The following ZFAND2B variants were observed in gnomAD, a reference collection of about 807,000 sequenced individuals.
The protein encoded by ZFAND2B is zinc finger AN1-type containing 2B.
In ZFAND2B, 27 loss-of-function variants were observed where a neutral mutation model predicts 38.2. The ratio of observed to expected loss-of-function variants is 0.71; its 90% CI spans 0.52 to 0.97. ZFAND2B has a LOEUF of 0.97. Ranked by LOEUF, ZFAND2B falls within the 50% of genes least tolerant of loss-of-function variation. The pLI is 0.00. For synonymous variants in ZFAND2B, 111 were observed against 119.4 expected (o/e 0.93, Z 0.46); for missense variants, 303 against 331.5 (o/e 0.91, Z 0.67).
rs1321332510 is a variant in ZFAND2B, at chr2:219,207,116, G to A, written c.55+74G>A. ...GAACCGCAGGTTGGGAGGGAAGGGT[G>A]GGCTCCCAGGCTGGCAATGCCGGGG... On this transcript the variant is annotated intron_variant, in intron 1 of 8. Coordinates refer to ENST00000289528, the MANE Select transcript of ZFAND2B (RefSeq NM_138802.3). 2.5e-6 allele frequency: 3 copies of A among 1,222,022 alleles called. No individual in the cohort carries two copies. In the Admixed American group the frequency reaches 6.6e-5, roughly 27 times the overall value. 75.7% of individuals were successfully genotyped at this position (1,222,022 alleles called of 1,614,324 possible). A position where few individuals can be genotyped will look rare whatever the true frequency, so the allele number is the denominator to read the frequency against.
chr2:219,207,535 G>A (rs1574802442), intron 2 of ZFAND2B, 113 bp from the exon 3 acceptor site: 3 of 1,586,816 alleles, frequency 1.9e-6, no homozygotes, highest in East Asian at 2.3e-5. Flanking sequence ...TGTCAGTGCT[G>A]GGAAACACTG....
chr2:219,208,889 T>G, intron 7 of ZFAND2B, 88 bp from the exon 8 acceptor site: 3 of 1,380,330 alleles, frequency 2.2e-6, no homozygotes, highest in Non-Finnish European at 3.1e-6. Flanking sequence ...TCAGCAGTGC[T>G]CAGCACCATG....
At position 219,209,339 on chromosome 2, in the gene ZFAND2B, G is replaced by A; in HGVS notation, c.*33G>A. ...GGCTTGGGGAGGGAGGTTCACCTGA[G>A]GAGGACTGTGGCCCTCACACCTCTA... On this transcript the variant is annotated 3_prime_UTR_variant, in exon 9 of 9. Coordinates refer to ENST00000289528, the MANE Select transcript of ZFAND2B (RefSeq NM_138802.3). The A allele has an allele frequency of 6.2e-7, 1 of 1,604,424 alleles. No homozygotes were observed. The highest frequency in any genetic ancestry group is 8.5e-7 in the Non-Finnish European group (1 of 1,176,098).
Position 219,207,717 on chromosome 2 carries a change from C to T in ZFAND2B, c.220C>T (p.Arg74Cys), listed in dbSNP as rs759727741. The stretch of plus-strand genomic sequence containing the variant: ...TGTGGCCAGAGGGGAGCCCCCTGAC[C>T]GTGCTGTGGGAGAGCACATTGACAG... The part of the protein sequence containing the change: ...VPVARGEPPD[R>C]AVGEHIDRDC... Residue 74 changes from arginine (R) to cysteine (C), a missense_variant, in exon 3 of 9, where the codon CGT becomes TGT. By Grantham distance (180) the Arg-to-Cys change is radical. Transcript: ENST00000289528. The T allele has an allele frequency of 8.7e-6, 14 of 1,614,168 alleles. No homozygotes were observed. In the East Asian group the frequency reaches 1.3e-4, roughly 15 times the overall value.
At chr2:219,207,543 CTG>C (rs1261970531) in intron 2 of ZFAND2B, 103 bp from the exon 3 acceptor site, 26 of 1,590,714 alleles carry the variant, frequency 1.6e-5, no homozygotes, top group East Asian at 1.6e-4. Context: ...CTGGGAAACA[CTG>C]TTTTTTTGCG....
Position 219,209,484 on chromosome 2 carries a change from A to C in ZFAND2B, c.*178A>C. ...CTAGTGCTCCAGCTGCATGGAAGAGAGCGGCTAGCAACTGTTCCCTGGTTG... is the reference window on the plus strand; with the variant it reads ...CTAGTGCTCCAGCTGCATGGAAGAGCGCGGCTAGCAACTGTTCCCTGGTTG... On this transcript the variant is annotated 3_prime_UTR_variant, in exon 9 of 9. Coordinates refer to ENST00000289528, the MANE Select transcript of ZFAND2B (RefSeq NM_138802.3). 1 of 787,410 alleles carries C rather than the reference A, an allele frequency of 1.3e-6. No homozygotes were observed. Among genetic ancestry groups the C allele is most frequent in the Non-Finnish European group, 2.2e-6 (1 of 451,630 alleles). The allele number at this position is 787,410 out of a possible 1,614,324, so 48.8% of individuals were successfully genotyped here.
chr2:219,208,247 TCCCTACAGACTTGCTG>T lies in ZFAND2B; in HGVS notation c.435-6_444del. On this transcript the variant is annotated splice_acceptor_variant and splice_polypyrimidine_tract_variant and coding_sequence_variant and intron_variant, in exon 5 of 9. Coordinates refer to ENST00000289528, the MANE Select transcript of ZFAND2B (RefSeq NM_138802.3). LOFTEE classifies it high-confidence loss of function. ...TTGGAGACATGCCAAAAATCTCTCT[TCCCTACAGACTTGCTG>T]CCATCTCCAGAGCACAAGCTGTGGC... 6.2e-7 allele frequency: 1 copy of T among 1,614,086 alleles called. No homozygotes were observed. Among genetic ancestry groups the T allele is most frequent in the South Asian group, 1.1e-5 (1 of 91,078 alleles).
At chr2:219,208,916 G>A in intron 7 of ZFAND2B, 61 bp from the exon 8 acceptor site, 1 of 1,556,166 alleles carries the variant, frequency 6.4e-7, no homozygotes, top group African/African-American at 1.4e-5. Context: ...AACACACACA[G>A]ATCAGATGTT....
In ZFAND2B at chr2:219,209,556, A is replaced by G. The variant is rs1246079125; in HGVS notation, c.*250A>G. Reference sequence around the variant, plus strand: ...AGGCCCTACTCTTAGCCCCTTCATCATGTCATCTCCCTTATGCTGGAGCTG... The same window carrying G: ...AGGCCCTACTCTTAGCCCCTTCATCGTGTCATCTCCCTTATGCTGGAGCTG... On this transcript the variant is annotated 3_prime_UTR_variant, in exon 9 of 9. Transcript: ENST00000289528. 2.9e-6 allele frequency: 2 copies of G among 693,444 alleles called. No homozygotes were observed. The highest frequency in any genetic ancestry group is 5.7e-5 in the East Asian group (2 of 35,088). The allele number at this position is 693,444 out of a possible 1,614,324, so 43.0% of individuals were successfully genotyped here. A position where few individuals can be genotyped will look rare whatever the true frequency, so the allele number is the denominator to read the frequency against.
At position 219,209,508 on chromosome 2, in the gene ZFAND2B, T is replaced by G. The variant is rs1202833384; in HGVS notation, c.*202T>G. ...GAGCGGCTAGCAACTGTTCCCTGGTTGGGCCCTCAGTGGATGCTGGCCAGG... is the reference window on the plus strand; with the variant it reads ...GAGCGGCTAGCAACTGTTCCCTGGTGGGGCCCTCAGTGGATGCTGGCCAGG... On this transcript the variant is annotated 3_prime_UTR_variant, in exon 9 of 9. Coordinates refer to ENST00000289528, the MANE Select transcript of ZFAND2B (RefSeq NM_138802.3). 1 of 733,396 alleles carries G rather than the reference T, an allele frequency of 1.4e-6. No individual in the cohort carries two copies. The highest frequency in any genetic ancestry group is 2.5e-6 in the Non-Finnish European group (1 of 403,200). 45.4% of individuals were successfully genotyped at this position (733,396 alleles called of 1,614,324 possible). A position where few individuals can be genotyped will look rare whatever the true frequency, so the allele number is the denominator to read the frequency against.
At position 219,207,726 on chromosome 2, in the gene ZFAND2B, G is replaced by T. The variant is rs757221221; in HGVS notation, c.229G>T (p.Gly77Ter). ...ARGEPPDRAV[G>*]EHIDRDCRSD... is the part of the protein sequence containing the mutation. ...AGGGGAGCCCCCTGACCGTGCTGTG[G>T]GAGAGCACATTGACAGAGACTGTCG... The change falls in exon 3 of 9, where the codon GGA becomes TGA. Residue 77 changes from glycine to a stop codon, truncating the protein, a stop_gained. Transcript: ENST00000289528. LOFTEE classifies it high-confidence loss of function. The T allele has an allele frequency of 6.2e-7, 1 of 1,614,146 alleles. No homozygotes were observed.
Position 219,207,710 on chromosome 2 carries a change from C to T in ZFAND2B, c.213C>T (p.Pro71=). Residue 71 remains proline, a synonymous_variant, in exon 3 of 9, where the codon CCC becomes CCT. Transcript: ENST00000289528. Reference sequence around the variant, plus strand: ...CTGTGCCTGTGGCCAGAGGGGAGCCCCCTGACCGTGCTGTGGGAGAGCACA... The same window carrying T: ...CTGTGCCTGTGGCCAGAGGGGAGCCTCCTGACCGTGCTGTGGGAGAGCACA... ...NVPVPVARGE[P]PDRAVGEHID... 2 of 1,614,164 alleles carry T rather than the reference C, an allele frequency of 1.2e-6. No homozygotes were observed. The highest frequency in any genetic ancestry group is 1.7e-6 in the Non-Finnish European group (2 of 1,180,044).
In ZFAND2B at chr2:219,208,350, T is replaced by C. The variant is rs1411586033; in HGVS notation, c.527+2T>C. ...GCCTTCCTGTACCTCTCCCAGCAGGTAGGCCTGCCCGTTTCCCTGCTCCCC... is the reference window on the plus strand; with the variant it reads ...GCCTTCCTGTACCTCTCCCAGCAGGCAGGCCTGCCCGTTTCCCTGCTCCCC... On this transcript the variant is annotated splice_donor_variant, in intron 5 of 8. Coordinates refer to ENST00000289528, the MANE Select transcript of ZFAND2B (RefSeq NM_138802.3). LOFTEE classifies it high-confidence loss of function. 3 of 1,614,176 alleles carry C rather than the reference T, an allele frequency of 1.9e-6. No individual in the cohort carries two copies. The highest frequency in any genetic ancestry group is 2.5e-6 in the Non-Finnish European group (3 of 1,180,024).
chr2:219,209,244 C>T lies in ZFAND2B; in HGVS notation c.730-18C>T, dbSNP rs79569228. ...CGTTGCACTGTGTCTTCCCCTCCTT[C>T]CCCTCTCTTTGCTCTAGGCCCAGAG... On this transcript the variant is annotated intron_variant, in intron 8 of 8. Coordinates refer to ENST00000289528, the MANE Select transcript of ZFAND2B (RefSeq NM_138802.3). The T allele has an allele frequency of 2.2e-3, 3,574 of 1,602,098 alleles. 64 individuals are homozygous for T. In the African/African-American group the frequency reaches 0.037, roughly 17 times the overall value.
chr2:219,208,538 T>G (rs1950526407), intron 6 of ZFAND2B, 34 bp from the exon 7 acceptor site: 1 of 1,614,064 alleles, frequency 6.2e-7, no homozygotes, highest in Non-Finnish European at 8.5e-7. Context: ...GAGAGTGAAG[T>G]CCAAGGACGC....
At position 219,209,143 on chromosome 2, in the gene ZFAND2B, T is replaced by A. The variant is rs928529082; in HGVS notation, c.729+94T>A. 2.5e-6 allele frequency: 4 copies of A among 1,581,560 alleles called. No individual in the cohort carries two copies. In the African/African-American group the frequency reaches 5.4e-5, roughly 21 times the overall value. On this transcript the variant is annotated intron_variant, in intron 8 of 8. Transcript: ENST00000289528. Reference sequence around the variant, plus strand: ...CTAGTGGTGCAGAGTTTTGGAATGGTGGTTATCGTCTGGTTTTCAGTATGA... The same window carrying A: ...CTAGTGGTGCAGAGTTTTGGAATGGAGGTTATCGTCTGGTTTTCAGTATGA...
At chr2:219,207,067 C>A in intron 1 of ZFAND2B, 25 bp downstream of exon 1, 3 of 1,396,208 alleles carry the variant, frequency 2.1e-6, no homozygotes, top group Non-Finnish European at 2.9e-6. Flanking sequence ...GCGCGGGGGG[C>A]GGGGCCCAGC....
chr2:219,206,934 C>T lies in ZFAND2B; in HGVS notation c.-54C>T. Reference sequence around the variant, plus strand: ...GCGGTGCGGACTTCGAGCACGAGCCCTAAAGACGCTCAGCACTCGTCGCTT... The same window carrying T: ...GCGGTGCGGACTTCGAGCACGAGCCTTAAAGACGCTCAGCACTCGTCGCTT... On this transcript the variant is annotated 5_prime_UTR_variant, in exon 1 of 9. Coordinates refer to ENST00000289528, the MANE Select transcript of ZFAND2B (RefSeq NM_138802.3). The T allele has an allele frequency of 6.3e-7, 1 of 1,598,276 alleles. No individual in the cohort carries two copies. The highest frequency in any genetic ancestry group is 8.5e-7 in the Non-Finnish European group (1 of 1,170,384).
At position 219,207,206 on chromosome 2, in the gene ZFAND2B, G is replaced by A. The variant is rs542064492; in HGVS notation, c.56-121G>A. On this transcript the variant is annotated intron_variant, in intron 1 of 8. Coordinates refer to ENST00000289528, the MANE Select transcript of ZFAND2B (RefSeq NM_138802.3). Reference sequence around the variant, plus strand: ...GGGGGCGTGGCCAAGGAGGTAATGGGCTTGGGAAGGGGCGGTGTGTCGAAA... The same window carrying A: ...GGGGGCGTGGCCAAGGAGGTAATGGACTTGGGAAGGGGCGGTGTGTCGAAA... The A allele has an allele frequency of 6.9e-5, 96 of 1,389,836 alleles. 2 individuals carry two copies. In the African/African-American group the frequency reaches 9.9e-4, roughly 14 times the overall value. The allele number at this position is 1,389,836 out of a possible 1,614,324, so 86.1% of individuals were successfully genotyped here. A position where few individuals can be genotyped will look rare whatever the true frequency, so the allele number is the denominator to read the frequency against.
Sources: gnomAD v4.1 joint callset for allele counts on GRCh38, gnomAD v4.1.1 for gene constraint, MANE v1.5 for transcripts, NCBI Gene and HGNC (gene_info 2026-07-23, HGNC 2026-07-21) for gene names.